CYB561A3: variants seen among roughly 807,000 people sequenced by gnomAD.
CYB561A3 encodes lysosomal membrane ascorbate-dependent ferrireductase CYB561A3.
A neutral mutation model predicts 25.3 loss-of-function variants in CYB561A3; 16 were observed. The observed-to-expected ratio is 0.63, with a 90% CI of 0.43 to 0.96. The LOEUF (loss-of-function observed/expected upper bound fraction) is 0.96, where lower values mean the gene tolerates loss of function less well. CYB561A3 is among the 40% of genes least tolerant of loss of function. The pLI is 0.00. For missense variants in CYB561A3, 219 were observed against 307.5 expected (o/e 0.71, Z 2.15); for synonymous variants, 131 against 129.9 (o/e 1.01, Z -0.06).
chr11:61,354,139 A>G, intron 3 of CYB561A3, 147 bp from the exon 4 acceptor site: 1 of 769,694 alleles, frequency 1.3e-6, no homozygotes, highest in Non-Finnish European at 2.1e-6. Flanking sequence ...GGCATCTTCT[A>G]CCCTCCCATG....
intron 3 of CYB561A3, chr11:61,354,295 T>C (rs1207712965): frequency 2.4e-6 from 1 of 412,138 alleles, no homozygotes; most frequent in African/African-American, 2.0e-5. Flanking sequence ...AGTTTGAGGT[T>C]ACAGTGAGCT....
chr11:61,358,373 T>C (rs919092100), intron 1 of CYB561A3: 2 of 149,814 alleles, frequency 1.3e-5, no homozygotes, highest in African/African-American at 2.5e-5. Flanking sequence ...TGAGCCAAGA[T>C]TGTGCCATTG....
chr11:61,354,771 T>C (rs1320486712), intron 3 of CYB561A3: 1 of 152,164 alleles, frequency 6.6e-6, no homozygotes, highest in Non-Finnish European at 1.5e-5. Flanking sequence ...AACTGAATTG[T>C]CACAAGTGAG....
chr11:61,354,513 T>C (rs1857561454), intron 3 of CYB561A3: 1 of 162,924 alleles, frequency 6.1e-6, no homozygotes, highest in Admixed American at 5.7e-5. Context: ...TGGTGGCACA[T>C]GCCTGTTCTC....
chr11:61,356,330 T>C (rs1216181984), intron 3 of CYB561A3, 200 bp downstream of exon 3: 2 of 714,270 alleles, frequency 2.8e-6, no homozygotes, highest in South Asian at 4.2e-5. Context: ...CCCTAGAGTA[T>C]TTGTGAAGCC....
At chr11:61,356,493 A>G (rs1453319) in intron 3 of CYB561A3, 37 bp downstream of exon 3, 1,598,761 of 1,602,342 alleles carry the variant, frequency 1, 797,633 homozygotes, top group Non-Finnish European at 1. Context: ...GTCCAGCCTG[A>G]GCCCTATCCC....
intron 1 of CYB561A3, 131 bp downstream of exon 1, chr11:61,361,602 G>GA (rs1480842078): frequency 2.0e-5 from 3 of 152,256 alleles, no homozygotes; most frequent in African/African-American, 7.2e-5. Flanking sequence ...AGAGCGCGGA[G>GA]AAAGGTGCCC....
intron 2 of CYB561A3, chr11:61,357,224 A>G (rs961744488): frequency 6.4e-7 from 1 of 1,551,490 alleles, no homozygotes. Context: ...AGGAGTCAGA[A>G]AAGTTCTTCC....
chr11:61,359,544 GCA>G, intron 1 of CYB561A3: 1 of 152,078 alleles, frequency 6.6e-6, no homozygotes, highest in Admixed American at 6.5e-5. Context: ...AAAAGTAAAT[GCA>G]GTCCGAAAGG....
intron 1 of CYB561A3, chr11:61,359,480 A>C (rs980363167): frequency 5.9e-5 from 9 of 151,904 alleles, no homozygotes; most frequent in African/African-American, 2.2e-4. Context: ...CAGCAGGCTC[A>C]CTCATCTGAC....
At chr11:61,350,721 T>A (rs774534815) in intron 6 of CYB561A3, 16 of 593,122 alleles carry the variant, frequency 2.7e-5, no homozygotes, top group African/African-American at 5.6e-5. Context: ...GGGAAGAAGA[T>A]AAGGCCACAC....
Position 61,352,827 on chromosome 11 carries a change from A to G in CYB561A3, c.548+158T>C, listed in dbSNP as rs150158970. ...AATATCTGCTGACTTACCAATTTCA[A>G]CCTAAAGAAAGATCAATTCTGTTAC... On this transcript the variant is annotated intron_variant, in intron 5 of 6. Transcript: ENST00000294072. 2,284 of 1,461,878 alleles carry G rather than the reference A, an allele frequency of 1.6e-3. 6 individuals are homozygous for G. The highest frequency in any genetic ancestry group is 2.7e-3 in the Admixed American group (98 of 36,298). 90.6% of individuals were successfully genotyped at this position (1,461,878 alleles called of 1,614,324 possible). A position where few individuals can be genotyped will look rare whatever the true frequency, so the allele number is the denominator to read the frequency against.
chr11:61,348,998 G>A lies in CYB561A3; in HGVS notation c.*1401C>T, dbSNP rs373561047. ...CTGGCAATGTGAGGCTGGGGTGGAC[G>A]TTGGCCTGATGTTGCCAGGAGTAGG... On this transcript the variant is annotated 3_prime_UTR_variant, in exon 7 of 7. Coordinates refer to ENST00000294072, the MANE Select transcript of CYB561A3 (RefSeq NM_153611.6). 2.0e-4 allele frequency: 31 copies of A among 156,768 alleles called. No individual in the cohort carries two copies. The South Asian group carries it at 5.0e-3, about 25-fold the overall frequency. The allele number at this position is 156,768 out of a possible 1,614,324, so 9.7% of individuals were successfully genotyped here.
chr11:61,350,897 G>A, intron 6 of CYB561A3, 94 bp downstream of exon 6: 3 of 1,494,376 alleles, frequency 2.0e-6, no homozygotes, highest in Non-Finnish European at 2.7e-6. Context: ...GTGCCACAGG[G>A]TAAGTCTTCT....
chr11:61,357,398 G>A lies in CYB561A3; in HGVS notation c.-16+335C>T, dbSNP rs566711019. On this transcript the variant is annotated intron_variant, in intron 2 of 6. Coordinates refer to ENST00000294072, the MANE Select transcript of CYB561A3 (RefSeq NM_153611.6). ...TGGGGAAAGTCCAGAGAAAAAAAGA[G>A]GAAGCAACAACTCATGGTCCAGAAA... 1.2e-4 allele frequency: 74 copies of A among 598,686 alleles called. 1 individual carries two copies. The African/African-American group carries it at 1.3e-3, about 11-fold the overall frequency. 37.1% of individuals were successfully genotyped at this position (598,686 alleles called of 1,614,324 possible).
chr11:61,354,802 C>CTA (rs755689224), intron 3 of CYB561A3: 15 of 151,734 alleles, frequency 9.9e-5, no homozygotes, highest in Non-Finnish European at 2.1e-4. Context: ...AACACAGGTA[C>CTA]TAAGGTCAGG....
At chr11:61,357,505 A>C (rs191276694) in intron 2 of CYB561A3, 102 of 416,084 alleles carry the variant, frequency 2.5e-4, no homozygotes, top group African/African-American at 1.9e-3. Context: ...CAAATGCTTA[A>C]AGCCCTGAGC....
intron 1 of CYB561A3, chr11:61,359,249 A>AGGT (rs1323881472): frequency 6.6e-6 from 1 of 151,648 alleles, no homozygotes; most frequent in Non-Finnish European, 1.5e-5. Context: ...AAAGAAAAGA[A>AGGT]GGTCCAAGGG....
chr11:61,353,050 G>T lies in CYB561A3; in HGVS notation c.483C>A (p.Ala161=). ...ATGCGATGGACAGAGAGAGGATGGC[G>T]GCTCCAAAAAAGACGTGGATAGGTT... ...LLKPIHVFFG[A]AILSLSIASV... Residue 161 remains alanine, a synonymous_variant, in exon 5 of 7, where the codon GCC becomes GCA. Coordinates refer to ENST00000294072, the MANE Select transcript of CYB561A3 (RefSeq NM_153611.6). The T allele has an allele frequency of 1.2e-6, 2 of 1,614,006 alleles. No homozygotes were observed. The highest frequency in any genetic ancestry group is 1.7e-6 in the Non-Finnish European group (2 of 1,179,996).
Sources: allele counts gnomAD v4.1 joint callset, GRCh38; gene constraint gnomAD v4.1.1; transcripts MANE v1.5; gene names NCBI Gene and HGNC (gene_info 2026-07-23, HGNC 2026-07-21).